The following NCK2 variants were observed in gnomAD, a reference collection of about 807,000 sequenced individuals.
NCK2 encodes cytoplasmic protein NCK2.
Under a neutral mutation model 33.9 loss-of-function variants are expected in NCK2, and 16 were observed. That is an observed-to-expected ratio of 0.47 (90% CI 0.32 to 0.72). The LOEUF is 0.72. NCK2 is among the 30% of genes least tolerant of loss of function. The pLI, the probability that NCK2 is intolerant of heterozygous loss-of-function variation, is 0.03. For missense variants in NCK2, 418 were observed against 537.3 expected (o/e 0.78, Z 2.19); for synonymous variants, 273 against 239.9 (o/e 1.14, Z -1.27).
intron 3 of NCK2, among the ~76,000 whole-genome samples, chr2:105,876,992 T>C (rs546978748): frequency 2.4e-4 from 36 of 152,170 alleles, no homozygotes; most frequent in South Asian, 1.0e-3. Flanking sequence ...AACCGTCCCT[T>C]TGAGATGTCC....
At chr2:105,796,968 C>G (rs528931719) in intron 1 of NCK2, among the ~76,000 whole-genome samples, 1 of 152,218 alleles carries the variant, frequency 6.6e-6, no homozygotes, top group Admixed American at 6.5e-5. Context: ...GTTCAGTACC[C>G]CTAGCTGGGG....
intron 1 of NCK2, among the ~76,000 whole-genome samples, chr2:105,750,037 A>ACAC (rs1553449506): frequency 2.8e-5 from 4 of 144,456 alleles, no homozygotes; most frequent in Middle Eastern, 3.3e-3. Context: ...AAAGCAAACA[A>ACAC]ACACACACAC....
intron 1 of NCK2, among the ~76,000 whole-genome samples, chr2:105,778,635 A>G (rs920294550): frequency 2.0e-5 from 3 of 152,210 alleles, no homozygotes; most frequent in Non-Finnish European, 2.9e-5. Context: ...GTTTCTGCAC[A>G]TTCCTCCTTA....
intron 1 of NCK2, among the ~76,000 whole-genome samples, chr2:105,765,047 T>C (rs913707554): frequency 2.0e-5 from 3 of 152,216 alleles, no homozygotes; most frequent in Admixed American, 2.0e-4. Flanking sequence ...TGTAAATTCC[T>C]TGGAGAGGCA....
chr2:105,885,906 GTT>G (rs959274053), intron 4 of NCK2, among the ~76,000 whole-genome samples: 5 of 151,960 alleles, frequency 3.3e-5, no homozygotes, highest in African/African-American at 1.2e-4. Context: ...GCTTTTTTGT[GTT>G]TTTGTTTGTT....
intron 4 of NCK2, among the ~76,000 whole-genome samples, chr2:105,885,270 A>C (rs1355404477): frequency 1.3e-5 from 2 of 152,218 alleles, no homozygotes; most frequent in African/African-American, 4.8e-5. Flanking sequence ...GTCCTGCAAT[A>C]GTATTAGATA....
At chr2:105,756,553 G>C (rs1689603934) in intron 1 of NCK2, among the ~76,000 whole-genome samples, 1 of 152,154 alleles carries the variant, frequency 6.6e-6, no homozygotes. Context: ...TTTAGATGAG[G>C]AAAGTGTGGG....
At chr2:105,759,721 C>T (rs979459742) in intron 1 of NCK2, among the ~76,000 whole-genome samples, 1 of 152,156 alleles carries the variant, frequency 6.6e-6, no homozygotes, top group Admixed American at 6.5e-5. Flanking sequence ...ATCCAGGGCA[C>T]GTTTCCTTTA....
intron 1 of NCK2, among the ~76,000 whole-genome samples, chr2:105,799,391 A>T (rs932946287): frequency 2.0e-5 from 3 of 152,068 alleles, no homozygotes; most frequent in Non-Finnish European, 4.4e-5. Flanking sequence ...TGGGCGTGAG[A>T]TGTGGCTCCA....
chr2:105,824,571 T>C (rs945463714), intron 2 of NCK2, among the ~76,000 whole-genome samples: 3 of 152,154 alleles, frequency 2.0e-5, no homozygotes, highest in Non-Finnish European at 4.4e-5. Flanking sequence ...AGAGCTCATT[T>C]AGTAACGTTT....
At chr2:105,861,724 A>C (rs1452806774) in intron 3 of NCK2, among the ~76,000 whole-genome samples, 1 of 152,052 alleles carries the variant, frequency 6.6e-6, no homozygotes, top group African/African-American at 2.4e-5. Context: ...CATGTTGGCC[A>C]GGCTGGTCTC....
intron 1 of NCK2, among the ~76,000 whole-genome samples, chr2:105,792,322 A>C (rs1690914336): frequency 6.6e-6 from 1 of 152,236 alleles, no homozygotes; most frequent in Admixed American, 6.5e-5. Context: ...TAGAATCAGA[A>C]TAAATTGCCC....
intron 1 of NCK2, among the ~76,000 whole-genome samples, chr2:105,805,636 ACT>A (rs753316459): frequency 2.0e-5 from 3 of 151,974 alleles, no homozygotes; most frequent in Non-Finnish European, 2.9e-5. Flanking sequence ...CTACCGTTCT[ACT>A]CTCTATTTCC....
chr2:105,893,480 A>ATTTTTTAATG lies in NCK2; in HGVS notation c.*304_*305insTTTTTTAATG. On this transcript the variant is annotated 3_prime_UTR_variant, in exon 5 of 5. Coordinates refer to ENST00000233154, the MANE Select transcript of NCK2 (RefSeq NM_003581.5). ...CCCGCTCATGGAACCCCTCTTTAAAAAGACGCAGGGCACCTGTGAGCGCAG... is the reference window on the plus strand; with the variant it reads ...CCCGCTCATGGAACCCCTCTTTAAAATTTTTTAATGAGACGCAGGGCACCTGTGAGCGCAG... 1.6e-5 allele frequency: 5 copies of ATTTTTTAATG among 315,802 alleles called. No homozygotes were observed. Among genetic ancestry groups the ATTTTTTAATG allele is most frequent in the South Asian group, 4.4e-5 (1 of 22,952 alleles). The allele number at this position is 315,802 out of a possible 1,614,324, so 19.6% of individuals were successfully genotyped here.
At chr2:105,825,362 T>C (rs1675900894) in intron 2 of NCK2, among the ~76,000 whole-genome samples, 1 of 152,172 alleles carries the variant, frequency 6.6e-6, no homozygotes, top group Admixed American at 6.5e-5. Flanking sequence ...AAAATCCCAT[T>C]CCGTTACTAG....
chr2:105,754,081 G>T (rs954017489), intron 1 of NCK2, among the ~76,000 whole-genome samples: 2 of 152,182 alleles, frequency 1.3e-5, no homozygotes, highest in Non-Finnish European at 2.9e-5. Context: ...GAGATAGGAC[G>T]GTGAGTCTGG....
intron 1 of NCK2, among the ~76,000 whole-genome samples, chr2:105,809,715 C>T (rs1207097019): frequency 6.6e-6 from 1 of 152,152 alleles, no homozygotes; most frequent in Non-Finnish European, 1.5e-5. Context: ...TATATAAGCA[C>T]TTATGACTTA....
At chr2:105,842,199 C>T (rs1676675439) in intron 2 of NCK2, among the ~76,000 whole-genome samples, 1 of 151,976 alleles carries the variant, frequency 6.6e-6, no homozygotes, top group African/African-American at 2.4e-5. Flanking sequence ...GATTCTCCTG[C>T]CTCAGCCTCC....
intron 1 of NCK2, among the ~76,000 whole-genome samples, chr2:105,801,920 C>T (rs1356869000): frequency 2.6e-5 from 4 of 152,084 alleles, no homozygotes; most frequent in African/African-American, 7.2e-5. Context: ...TGTGCATTCA[C>T]CAGCTCAGGC....
Sources: gnomAD v4.1 joint callset for allele counts (sites outside exome capture counted in the v4.1 genomes callset) on GRCh38, gnomAD v4.1.1 for gene constraint, MANE v1.5 for transcripts, NCBI Gene and HGNC (gene_info 2026-07-23, HGNC 2026-07-21) for gene names.